TBC1D31: variants seen among roughly 807,000 people sequenced by gnomAD.
TBC1D31 encodes WD repeat domain 67.
Under a neutral mutation model 132.9 loss-of-function variants are expected in TBC1D31, and 99 were observed. The observed-to-expected ratio is 0.74, with a 90% CI of 0.63 to 0.88. The LOEUF (loss-of-function observed/expected upper bound fraction) is 0.88. Ranked by LOEUF, TBC1D31 falls within the 40% of genes least tolerant of loss-of-function variation. The pLI is 0.00. For synonymous variants in TBC1D31, 385 were observed against 419.4 expected (o/e 0.92, Z 1.00); for missense variants, 1,134 against 1,256.6 (o/e 0.90, Z 1.48).
At chr8:123,073,594 T>A (rs1339679320) in intron 1 of TBC1D31, among the ~76,000 whole-genome samples, 1 of 152,224 alleles carries the variant, frequency 6.6e-6, no homozygotes, top group Non-Finnish European at 1.5e-5. Context: ...GATTTCGATT[T>A]CTGCACGCAG....
chr8:123,100,945 A>G lies in TBC1D31; in HGVS notation c.970A>G (p.Ile324Val), dbSNP rs1343849826. 4 of 1,614,046 alleles carry G rather than the reference A, an allele frequency of 2.5e-6. No homozygotes were observed. Among genetic ancestry groups the G allele is most frequent in the Middle Eastern group, 1.7e-4 (1 of 6,060 alleles). The change falls in exon 7 of 22, where the codon ATT becomes GTT. Residue 324 changes from isoleucine to valine, a missense_variant. Transcript: ENST00000287380. Reference protein sequence around the residue: ...ISPHGRYIASIMENGSLNIYS... With the variant: ...ISPHGRYIASVMENGSLNIYS... ...CCCACATGGACGGTACATTGCATCTATTATGGAAAATGGAAGTCTAAACAT... is the reference window on the plus strand; with the variant it reads ...CCCACATGGACGGTACATTGCATCTGTTATGGAAAATGGAAGTCTAAACAT...
intron 14 of TBC1D31, among the ~76,000 whole-genome samples, chr8:123,128,800 CAGG>C (rs1159530807): frequency 2.0e-5 from 3 of 151,494 alleles, no homozygotes; most frequent in African/African-American, 7.3e-5. Flanking sequence ...CACTTGAACC[CAGG>C]AGGAGGAGGT....
intron 2 of TBC1D31, among the ~76,000 whole-genome samples, chr8:123,079,526 AT>A (rs1292722085): frequency 6.6e-6 from 1 of 152,172 alleles, no homozygotes; most frequent in African/African-American, 2.4e-5. Flanking sequence ...CCAATTCCTA[AT>A]CTTAAATCAG....
chr8:123,133,700 C>T (rs1316360367), intron 16 of TBC1D31, among the ~76,000 whole-genome samples: 1 of 152,096 alleles, frequency 6.6e-6, no homozygotes, highest in Non-Finnish European at 1.5e-5. Context: ...GAAATTTAAA[C>T]CTAGAATTGT....
chr8:123,156,877 G>T (rs940180676), downstream of TBC1D31, among the ~76,000 whole-genome samples: 1 of 152,198 alleles, frequency 6.6e-6, no homozygotes, highest in African/African-American at 2.4e-5. Flanking sequence ...GAACTCGGCC[G>T]CGCTCGCAGC....
intron 4 of TBC1D31, among the ~76,000 whole-genome samples, chr8:123,087,188 G>A (rs926109213): frequency 2.0e-5 from 3 of 152,168 alleles, no homozygotes; most frequent in South Asian, 2.1e-4. Flanking sequence ...GCATTGCTAG[G>A]TTGTTTTAGT....
rs774610384 is a variant in TBC1D31 at position 123,142,402 on chromosome 8, C to G, written c.2781C>G (p.Asn927Lys). ...YQEVAKLLRE[N>K]RRKEIEIINA... ...AAGTAGCCAAACTCCTTAGGGAAAA[C>G]AGAAGGAAAGAAATAGAGATAATAA... The change falls in exon 19 of 22, where the codon AAC becomes AAG. Residue 927 changes from asparagine (N) to lysine (K), a missense_variant. Transcript: ENST00000287380. 1.4e-5 allele frequency: 23 copies of G among 1,595,872 alleles called. No individual in the cohort carries two copies. Among genetic ancestry groups the G allele is most frequent in the Non-Finnish European group, 1.8e-5 (21 of 1,171,596 alleles).
chr8:123,143,780 AG>A (rs1465812120), intron 19 of TBC1D31, among the ~76,000 whole-genome samples: 2 of 152,206 alleles, frequency 1.3e-5, no homozygotes, highest in Admixed American at 6.5e-5. Flanking sequence ...TCAGGAAAAC[AG>A]GGGTGGAAGC....
chr8:123,088,017 C>T (rs1269909209), intron 4 of TBC1D31, among the ~76,000 whole-genome samples: 1 of 152,096 alleles, frequency 6.6e-6, no homozygotes, highest in African/African-American at 2.4e-5. Flanking sequence ...GGTGAAACCT[C>T]ATCTCTATTA....
chr8:123,109,309 C>T lies in TBC1D31; in HGVS notation c.1210-8C>T, dbSNP rs745331206. The T allele has an allele frequency of 6.4e-7, 1 of 1,559,532 alleles. No individual in the cohort carries two copies. Among genetic ancestry groups the T allele is most frequent in the Non-Finnish European group, 8.8e-7 (1 of 1,138,624 alleles). On this transcript the variant is annotated splice_region_variant and splice_polypyrimidine_tract_variant and intron_variant, in intron 8 of 21. Transcript: ENST00000287380. ...TGTCATTTATTAATATTGTCTTTTT[C>T]TTTGTAGAATGAATTACCAGATGGA... is the stretch of plus-strand genomic sequence containing the variant.
chr8:123,096,431 T>C (rs1158684891), intron 5 of TBC1D31, among the ~76,000 whole-genome samples: 1 of 152,244 alleles, frequency 6.6e-6, no homozygotes, highest in African/African-American at 2.4e-5. Context: ...CTGATCAGGA[T>C]AGAATTCTTC....
intron 10 of TBC1D31, among the ~76,000 whole-genome samples, chr8:123,111,865 G>T (rs1230735977): frequency 6.6e-5 from 10 of 151,778 alleles, no homozygotes; most frequent in Admixed American, 6.6e-4. Flanking sequence ...TTTTGTTTTT[G>T]TTTTTTGAGA....
chr8:123,116,298 T>C (rs1476031566), intron 10 of TBC1D31, among the ~76,000 whole-genome samples: 2 of 152,168 alleles, frequency 1.3e-5, no homozygotes, highest in Non-Finnish European at 2.9e-5. Flanking sequence ...AACTAAAGAT[T>C]TAATTCCTTT....
intron 10 of TBC1D31, among the ~76,000 whole-genome samples, chr8:123,116,903 A>C (rs1818967542): frequency 6.6e-6 from 1 of 152,242 alleles, no homozygotes; most frequent in Non-Finnish European, 1.5e-5. Flanking sequence ...ATGAGGGAGA[A>C]GGGACAGTTC....
chr8:123,134,073 TA>T, intron 16 of TBC1D31, 40 bp from the exon 17 acceptor site: 1 of 1,449,950 alleles, frequency 6.9e-7, no homozygotes, highest in Non-Finnish European at 9.6e-7. Context: ...AATTATTTTG[TA>T]AATTCTTTTT....
intron 1 of TBC1D31, among the ~76,000 whole-genome samples, chr8:123,076,682 C>T (rs1026659408): frequency 6.6e-6 from 1 of 152,116 alleles, no homozygotes; most frequent in Non-Finnish European, 1.5e-5. Context: ...CTCATGCACG[C>T]GTAATTCACT....
At chr8:123,117,584 C>T (rs938093667) in intron 10 of TBC1D31, among the ~76,000 whole-genome samples, 2 of 151,170 alleles carry the variant, frequency 1.3e-5, no homozygotes, top group African/African-American at 4.9e-5. Flanking sequence ...GAAACCCCGT[C>T]TCTACTAAAA....
intron 2 of TBC1D31, among the ~76,000 whole-genome samples, chr8:123,079,956 G>A (rs1437747117): frequency 1.3e-5 from 2 of 152,164 alleles, no homozygotes; most frequent in Admixed American, 6.5e-5. Context: ...CACCATAAGT[G>A]TTACTATTTT....
chr8:123,096,172 A>G (rs1276836326), intron 5 of TBC1D31, among the ~76,000 whole-genome samples: 1 of 152,136 alleles, frequency 6.6e-6, no homozygotes, highest in Non-Finnish European at 1.5e-5. Flanking sequence ...TCACTTTCCT[A>G]TTTAACCTCC....
Sources: gnomAD v4.1 joint callset for allele counts (sites outside exome capture counted in the v4.1 genomes callset) on GRCh38, gnomAD v4.1.1 for gene constraint, MANE v1.5 for transcripts, NCBI Gene and HGNC (gene_info 2026-07-23, HGNC 2026-07-21) for gene names.